KCNC4: variants seen among roughly 807,000 people sequenced by gnomAD.
KCNC4 encodes the protein voltage-gated potassium channel KCNC4.
In KCNC4, 23 loss-of-function variants were observed where a neutral mutation model predicts 42.8. That is an observed-to-expected ratio of 0.54 (90% CI 0.39 to 0.76). The LOEUF is 0.76. KCNC4 is among the 30% of genes least tolerant of loss of function. The pLI is 0.00. For synonymous variants in KCNC4, 422 were observed against 393.5 expected, an observed-to-expected ratio of 1.07 and a Z score of -0.86; for missense variants, 751 against 898.2, an observed-to-expected ratio of 0.84 and a Z score of 2.10.
Position 110,222,945 on chromosome 1 carries a change from T to C in KCNC4, c.679-19T>C. On this transcript the variant is annotated intron_variant, in intron 1 of 3. Coordinates refer to ENST00000438661, the MANE Select transcript of KCNC4 (RefSeq NM_001039574.3). The stretch of plus-strand genomic sequence containing the variant: ...TCCCTGTCTGACAGCTGCCCCCTGC[T>C]CTCCTCCCCTGCCCATAGGTAGTGG... The C allele has an allele frequency of 6.3e-7, 1 of 1,593,296 alleles. No homozygotes were observed. Among genetic ancestry groups the C allele is most frequent in the Non-Finnish European group, 8.6e-7 (1 of 1,162,640 alleles).
downstream of KCNC4, chr1:110,234,125 C>T (rs1409493607): frequency 1.3e-5 from 2 of 152,264 alleles, no homozygotes; most frequent in African/African-American, 4.8e-5. Context: ...CTGAGGAGTG[C>T]ACACACTCAG....
downstream of KCNC4, among the ~76,000 whole-genome samples, chr1:110,252,712 C>G (rs372493981): frequency 1.3e-5 from 2 of 152,134 alleles, no homozygotes; most frequent in African/African-American, 4.8e-5. Context: ...AATTCTAACA[C>G]AATCCTTCAA....
chr1:110,270,905 GGAGTCTATT>G (rs1659623210), intron 1 of KCNC4, among the ~76,000 whole-genome samples: 1 of 152,226 alleles, frequency 6.6e-6, no homozygotes, highest in Non-Finnish European at 1.5e-5. Flanking sequence ...GGACATTGGA[GGAGTCTATT>G]GATGTGGAAG....
At chr1:110,220,180 A>T (rs1658015971) in intron 1 of KCNC4, 1 of 152,256 alleles carries the variant, frequency 6.6e-6, no homozygotes, top group African/African-American at 2.4e-5. Flanking sequence ...TTTCACTTAA[A>T]AAATGGGCAC....
chr1:110,253,888 C>T (rs920033709), downstream of KCNC4, among the ~76,000 whole-genome samples: 2 of 152,064 alleles, frequency 1.3e-5, no homozygotes, highest in Admixed American at 6.5e-5. Flanking sequence ...GAGGCCTTTC[C>T]CATTTCTCCT....
chr1:110,268,188 T>C (rs760425011), intron 1 of KCNC4, among the ~76,000 whole-genome samples: 2 of 152,244 alleles, frequency 1.3e-5, no homozygotes, highest in Non-Finnish European at 2.9e-5. Context: ...CCACCTGGTC[T>C]TGAGACCCCC....
intron 2 of KCNC4, 198 bp from the exon 3 acceptor site, chr1:110,225,777 G>C (rs1017696656): frequency 7.0e-6 from 4 of 574,038 alleles, no homozygotes; most frequent in Non-Finnish European, 1.2e-5. Context: ...TGGGAGGGAA[G>C]TCAGTCTTCA....
chr1:110,254,773 T>C (rs1272371291), intron 1 of KCNC4, among the ~76,000 whole-genome samples: 1 of 152,214 alleles, frequency 6.6e-6, no homozygotes, highest in Non-Finnish European at 1.5e-5. Context: ...TCACCTGGTC[T>C]ATCCCAAATA....
chr1:110,248,159 T>C (rs1659188033), exon 4 of KCNC4: 1 of 152,254 alleles, frequency 6.6e-6, no homozygotes, highest in African/African-American at 2.4e-5. Flanking sequence ...TCTAGAAGTG[T>C]GCTATCAACA....
intron 3 of KCNC4, 81 bp downstream of exon 3, chr1:110,226,259 C>G: frequency 8.0e-7 from 1 of 1,248,304 alleles, no homozygotes; most frequent in Non-Finnish European, 1.2e-6. Context: ...CCTGAGGTCC[C>G]CCCCTCCCCT....
chr1:110,222,888 C>T, intron 1 of KCNC4, 76 bp from the exon 2 acceptor site: 2 of 1,090,188 alleles, frequency 1.8e-6, no homozygotes, highest in South Asian at 2.9e-5. Flanking sequence ...AACCTTCATG[C>T]AGAAGTCCAC....
chr1:110,212,254 G>A (rs1349337263), intron 1 of KCNC4, 77 bp downstream of exon 1: 3 of 1,333,796 alleles, frequency 2.2e-6, no homozygotes, highest in African/African-American at 1.5e-5. Flanking sequence ...GGGGCCGGGA[G>A]GAGCAGGGAC....
intron 1 of KCNC4, among the ~76,000 whole-genome samples, chr1:110,265,529 T>C (rs1659527413): frequency 6.6e-6 from 1 of 152,192 alleles, no homozygotes; most frequent in Non-Finnish European, 1.5e-5. Flanking sequence ...TCCAGGCCCC[T>C]GTTCCCAGGC....
chr1:110,230,895 C>T (rs1436795185), intron 3 of KCNC4, among the ~76,000 whole-genome samples: 1 of 152,264 alleles, frequency 6.6e-6, no homozygotes, highest in East Asian at 1.9e-4. Context: ...GCTGCCTGTA[C>T]AGGCGTCAGG....
At chr1:110,265,273 A>C (rs1659517380) in intron 1 of KCNC4, among the ~76,000 whole-genome samples, 1 of 152,052 alleles carries the variant, frequency 6.6e-6, no homozygotes, top group African/African-American at 2.4e-5. Context: ...GAAGCCTCGG[A>C]AAAATAAGTT....
downstream of KCNC4, among the ~76,000 whole-genome samples, chr1:110,251,418 T>C (rs1659249885): frequency 6.6e-6 from 1 of 152,162 alleles, no homozygotes; most frequent in African/African-American, 2.4e-5. Context: ...CTGCACACTC[T>C]CTCTTGCCTG....
At chr1:110,253,490 A>G (rs1230478766), downstream of KCNC4, among the ~76,000 whole-genome samples, 1 of 152,202 alleles carries the variant, frequency 6.6e-6, no homozygotes, top group Non-Finnish European at 1.5e-5. Flanking sequence ...TCTGTATGTT[A>G]TTGTTCAAAG....
chr1:110,223,858 C>A lies in KCNC4; in HGVS notation c.1573C>A (p.Pro525Thr), dbSNP rs1203867325. ...PRDSTCSDTS[P>T]PAREEGMIER... ...GGACAGCACCTGCAGTGATACCAGCCCCCCTGCCCGGGAAGAGGGTATGAT... is the reference window on the plus strand; with the variant it reads ...GGACAGCACCTGCAGTGATACCAGCACCCCTGCCCGGGAAGAGGGTATGAT... Residue 525 changes from proline to threonine, a missense_variant, in exon 2 of 4, where the codon CCC becomes ACC. Physicochemically the swap from Pro to Thr is conservative, Grantham distance 38 (BLOSUM62 -1). Around this residue, in one of 4 missense-constraint regions of KCNC4, gnomAD observed 202 missense variants for 181.5 expected, o/e 1.11. Coordinates refer to ENST00000438661, the MANE Select transcript of KCNC4 (RefSeq NM_001039574.3). This position sits in a 1 kb window ranked among gnomAD's most constrained non-coding sequence, Gnocchi z 7.5. 1 of 1,605,572 alleles carries A rather than the reference C, an allele frequency of 6.2e-7. No individual in the cohort carries two copies. Among genetic ancestry groups the A allele is most frequent in the Non-Finnish European group, 8.5e-7 (1 of 1,174,134 alleles).
chr1:110,269,866 C>G (rs908693112), intron 1 of KCNC4, among the ~76,000 whole-genome samples: 6 of 152,160 alleles, frequency 3.9e-5, no homozygotes, highest in Non-Finnish European at 5.9e-5. Context: ...GCCAGTTTCC[C>G]CATTCCAACC....
Sources: gnomAD v4.1 joint callset for allele counts (sites outside exome capture counted in the v4.1 genomes callset) on GRCh38, gnomAD v4.1.1 for gene constraint, gnomAD v4.1.1 regional missense constraint, Gnocchi (gnomAD v3.1) non-coding constraint, MANE v1.5 for transcripts, NCBI Gene and HGNC (gene_info 2026-07-23, HGNC 2026-07-21) for gene names.